The following ENOX2 variants were observed in gnomAD, a reference collection of about 807,000 sequenced individuals.
The protein encoded by ENOX2 is ecto-NOX disulfide-thiol exchanger 2, also known as APK1 antigen.
Under a neutral mutation model 45.0 loss-of-function variants are expected in ENOX2, and 36 were observed. That is an observed-to-expected ratio of 0.80 (90% CI 0.61 to 1.06). The LOEUF is 1.06. Ranked by LOEUF, ENOX2 falls within the 50% of genes least tolerant of loss-of-function variation. ENOX2 has a pLI of 0.00. For synonymous variants in ENOX2, 174 were observed against 152.3 expected, an observed-to-expected ratio of 1.14 and a Z score of -1.05; for missense variants, 423 against 462.5, an observed-to-expected ratio of 0.91 and a Z score of 0.78.
chrX:130,623,818 AT>A lies in ENOX2; in HGVS notation c.*1495del, dbSNP rs1374175664. ...GACAGACTTGGCATCTTTTTCCAAC[AT>A]TCTAGTAACCCAAAGGAAGGAACTG... On this transcript the variant is annotated 3_prime_UTR_variant, in exon 15 of 15. Coordinates refer to ENST00000394363, the MANE Select transcript of ENOX2 (RefSeq NM_006375.4). The A allele has an allele frequency of 6.3e-5, 7 of 111,667 alleles. No individual in the cohort carries two copies. Among genetic ancestry groups the A allele is most frequent in the Non-Finnish European group, 1.3e-4 (7 of 53,212 alleles). 9.2% of individuals were successfully genotyped at this position (111,667 alleles called of 1,213,427 possible).
intron 10 of ENOX2, among the ~76,000 whole-genome samples, chrX:130,655,520 A>G (rs969178985): frequency 2.5e-4 from 28 of 112,044 alleles, no homozygotes. Flanking sequence ...ACGTACACAC[A>G]CACAGCAGGA....
intron 2 of ENOX2, among the ~76,000 whole-genome samples, chrX:130,876,293 A>G (rs1177388696): frequency 1.8e-5 from 2 of 112,317 alleles, no homozygotes; most frequent in Admixed American, 1.9e-4. Context: ...GATTAGTGAT[A>G]TAACACAGAT....
Position 130,870,893 on chromosome X carries a change from G to GGAGGGAGGGA in ENOX2, c.-183+30781_-183+30790dup, listed in dbSNP as rs1482883723. On this transcript the variant is annotated intron_variant, in intron 2 of 14. Transcript: ENST00000394363. ...AAACAAGTGAGAGGGAGGGAGAGAG[G>GGAGGGAGGGA]GAGGGAGGGAGGGAGAGAGAGGGAG... Among the ~76,000 whole-genome samples the GGAGGGAGGGA allele has an allele frequency of 2.4e-4, 25 of 105,931 alleles. No homozygotes were observed. The Admixed American group carries it at 2.5e-3, about 11-fold the overall frequency. The allele number at this position is 105,931 out of a possible 115,157, so 92.0% of individuals were successfully genotyped here. A position where few individuals can be genotyped will look rare whatever the true frequency, so the allele number is the denominator to read the frequency against.
chrX:130,879,148 C>T (rs1289910072), intron 2 of ENOX2, among the ~76,000 whole-genome samples: 2 of 111,637 alleles, frequency 1.8e-5, no homozygotes, highest in African/African-American at 6.5e-5. Context: ...CCAAACCCCA[C>T]GGTCAAGGTT....
chrX:130,655,200 C>T (rs1047991791), intron 10 of ENOX2, among the ~76,000 whole-genome samples: 1 of 112,243 alleles, frequency 8.9e-6, no homozygotes, highest in African/African-American at 3.2e-5. Context: ...GTTGACTATC[C>T]TGAAAATGCT....
intron 1 of ENOX2, among the ~76,000 whole-genome samples, chrX:130,902,531 A>C (rs1377796743): frequency 9.1e-6 from 1 of 110,048 alleles, no homozygotes; most frequent in Non-Finnish European, 1.9e-5. Context: ...AAAAAGAGAA[A>C]GTTTGAAAAA....
At chrX:130,804,869 T>A (rs762176644) in intron 2 of ENOX2, among the ~76,000 whole-genome samples, 2 of 111,777 alleles carry the variant, frequency 1.8e-5, no homozygotes, top group East Asian at 5.6e-4. Context: ...TTAACTATGG[T>A]CTGAATGCTT....
At chrX:130,708,735 C>T (rs1201403051) in intron 3 of ENOX2, among the ~76,000 whole-genome samples, 2 of 111,965 alleles carry the variant, frequency 1.8e-5, no homozygotes, top group Non-Finnish European at 3.8e-5. Flanking sequence ...ACAAAAGAGT[C>T]CTCCACAGAT....
intron 3 of ENOX2, among the ~76,000 whole-genome samples, chrX:130,745,792 C>T (rs2039085764): frequency 8.9e-6 from 1 of 111,950 alleles, no homozygotes; most frequent in Admixed American, 9.4e-5. Context: ...CAGTGAATTT[C>T]CTGACCAGTC....
At chrX:130,805,065 A>T (rs1180101776) in intron 2 of ENOX2, among the ~76,000 whole-genome samples, 7 of 111,606 alleles carry the variant, frequency 6.3e-5, no homozygotes, top group Admixed American at 3.8e-4. Context: ...GGTACCATAC[A>T]TGAGGCAGAA....
chrX:130,775,201 C>A (rs183253061), intron 3 of ENOX2, among the ~76,000 whole-genome samples: 1 of 110,227 alleles, frequency 9.1e-6, no homozygotes. Context: ...GGCAACCTGG[C>A]GAAACCCCGT....
intron 2 of ENOX2, among the ~76,000 whole-genome samples, chrX:130,867,203 T>A (rs945656581): frequency 8.9e-6 from 1 of 112,069 alleles, no homozygotes; most frequent in Admixed American, 9.5e-5. Context: ...TTCTAATGTT[T>A]ACTTCTGCAT....
chrX:130,892,276 T>C (rs1217011595), intron 2 of ENOX2, among the ~76,000 whole-genome samples: 1 of 112,506 alleles, frequency 8.9e-6, no homozygotes, highest in East Asian at 2.8e-4. Context: ...TTGCATCTTA[T>C]GGTAAATCAG....
At chrX:130,641,320 G>A (rs1260171742) in intron 10 of ENOX2, among the ~76,000 whole-genome samples, 3 of 111,768 alleles carry the variant, frequency 2.7e-5, no homozygotes, top group African/African-American at 9.8e-5. Context: ...AAATATTTAC[G>A]GAGTTAAGAG....
intron 3 of ENOX2, among the ~76,000 whole-genome samples, chrX:130,764,946 A>G (rs1428229952): frequency 8.9e-6 from 1 of 111,746 alleles, no homozygotes; most frequent in Non-Finnish European, 1.9e-5. Context: ...ATGCAAATTA[A>G]TATTTCTCAG....
intron 10 of ENOX2, among the ~76,000 whole-genome samples, chrX:130,637,984 C>A (rs1258057202): frequency 9.0e-6 from 1 of 110,575 alleles, no homozygotes; most frequent in African/African-American, 3.3e-5. Context: ...TATGGGGGCC[C>A]GGAAAAAGAA....
intron 6 of ENOX2, among the ~76,000 whole-genome samples, chrX:130,672,836 C>T (rs1418257493): frequency 9.0e-6 from 1 of 111,699 alleles, no homozygotes; most frequent in African/African-American, 3.3e-5. Flanking sequence ...AAGAGTTCCC[C>T]TAGCCACTCC....
Position 130,635,056 on chromosome X carries a change from T to C in ENOX2, c.1347A>G (p.Lys449=). Residue 449 remains lysine, a synonymous_variant, in exon 12 of 15, where the codon AAA becomes AAG. Coordinates refer to ENST00000394363, the MANE Select transcript of ENOX2 (RefSeq NM_006375.4). ...CTTTGAGTTTTTCAAGTTCAGCTTC[T>C]TTCTTTTTGTATTCCTCTTGGACTT... ...LLKVQEEYKK[K]EAELEKLKDD... The C allele has an allele frequency of 8.4e-7, 1 of 1,186,041 alleles. No homozygotes were observed. Among genetic ancestry groups the C allele is most frequent in the Non-Finnish European group, 1.1e-6 (1 of 874,009 alleles).
At chrX:130,826,042 T>C (rs1336062494) in intron 2 of ENOX2, among the ~76,000 whole-genome samples, 1 of 111,237 alleles carries the variant, frequency 9.0e-6, no homozygotes, top group Non-Finnish European at 1.9e-5. Flanking sequence ...GTACCATCCA[T>C]GGTTTTAGGT....
Sources: allele counts gnomAD v4.1 joint callset (sites outside exome capture counted in the v4.1 genomes callset), GRCh38; gene constraint gnomAD v4.1.1; transcripts MANE v1.5; gene names NCBI Gene and HGNC (gene_info 2026-07-23, HGNC 2026-07-21).